Variants in NRG3 observed in about 807,000 individuals in gnomAD.
The protein encoded by NRG3 is neuregulin 3.
In NRG3, 31 loss-of-function variants were observed where a neutral mutation model predicts 66.9. The ratio of observed to expected loss-of-function variants is 0.46; its 90% CI spans 0.35 to 0.63. The LOEUF (loss-of-function observed/expected upper bound fraction) is 0.63, where lower values mean the gene tolerates loss of function less well. NRG3 is among the 20% of genes least tolerant of loss of function. The probability of loss-of-function intolerance (pLI) is 0.00; values close to 1 mark genes in which losing one functional copy is unlikely to be tolerated. For synonymous variants in NRG3, 393 were observed against 359.4 expected, an observed-to-expected ratio of 1.09 and a Z score of -1.06; for missense variants, 910 against 878.9, an observed-to-expected ratio of 1.04 and a Z score of -0.45.
intron 2 of NRG3, among the ~76,000 whole-genome samples, chr10:82,710,330 A>T (rs148139328): frequency 0.01 from 1,536 of 152,232 alleles, 23 homozygotes; most frequent in African/African-American, 0.035. Flanking sequence ...TCACACATGT[A>T]ATCACAGCAC....
At chr10:82,734,008 C>G (rs2058042692) in intron 2 of NRG3, among the ~76,000 whole-genome samples, 1 of 152,312 alleles carries the variant, frequency 6.6e-6, no homozygotes, top group Admixed American at 6.5e-5. Context: ...AGTGAGTGAC[C>G]TGACCATTTT....
At chr10:82,541,305 C>T (rs865815762) in intron 2 of NRG3, among the ~76,000 whole-genome samples, 1 of 152,076 alleles carries the variant, frequency 6.6e-6, no homozygotes, top group East Asian at 1.9e-4. Flanking sequence ...TATATATACT[C>T]ATCTTGTAGC....
intron 1 of NRG3, among the ~76,000 whole-genome samples, chr10:81,935,919 A>C (rs1589517470): frequency 6.8e-6 from 1 of 146,756 alleles, no homozygotes; most frequent in African/African-American, 2.6e-5. Context: ...ACACACACAC[A>C]CACACAGTTT....
chr10:81,900,748 G>A (rs1205291762), intron 1 of NRG3, among the ~76,000 whole-genome samples: 2 of 152,182 alleles, frequency 1.3e-5, no homozygotes, highest in East Asian at 3.8e-4. Context: ...TGATAGCTAG[G>A]TTTCTTAGAT....
In NRG3 at chr10:82,517,527, G is replaced by A. The variant is rs1845773863; in HGVS notation, c.953+158659G>A. 2.0e-5 allele frequency among the ~76,000 whole-genome samples: 3 copies of A among 151,992 alleles called. No individual in the cohort carries two copies. The South Asian group carries it at 6.2e-4, about 31-fold the overall frequency. On this transcript the variant is annotated intron_variant, in intron 2 of 8. Transcript: ENST00000372141. The stretch of plus-strand genomic sequence containing the variant: ...GTTTAGTCTAGGAATATATAATCTT[G>A]TGTGTCTTCAAAATGTTAGGAAGAA...
chr10:82,745,570 G>A (rs867302916), intron 3 of NRG3, among the ~76,000 whole-genome samples: 1 of 152,114 alleles, frequency 6.6e-6, no homozygotes, highest in South Asian at 2.1e-4. Context: ...GCCATGAGAA[G>A]GAGAAACAGA....
intron 1 of NRG3, among the ~76,000 whole-genome samples, chr10:82,112,636 G>C (rs2067455561): frequency 6.6e-6 from 1 of 152,142 alleles, no homozygotes; most frequent in South Asian, 2.1e-4. Context: ...GCTTGCTACA[G>C]ACTGCTAATG....
At chr10:82,628,590 A>ACC (rs2049590243) in intron 2 of NRG3, among the ~76,000 whole-genome samples, 1 of 152,088 alleles carries the variant, frequency 6.6e-6, no homozygotes, top group Admixed American at 6.6e-5. Flanking sequence ...AGCTCAGATG[A>ACC]ACCTTGGTTG....
chr10:82,289,356 G>A (rs1027794382), intron 1 of NRG3, among the ~76,000 whole-genome samples: 1 of 151,828 alleles, frequency 6.6e-6, no homozygotes, highest in African/African-American at 2.4e-5. Flanking sequence ...ATCAGAAAGG[G>A]CCAACGACTT....
chr10:82,005,897 TTGTGTGTG>T (rs58906037), intron 1 of NRG3, among the ~76,000 whole-genome samples: 1 of 148,726 alleles, frequency 6.7e-6, no homozygotes, highest in Non-Finnish European at 1.5e-5. Flanking sequence ...AATGTGTATT[TTGTGTGTG>T]TGTGTGTGTG....
intron 1 of NRG3, among the ~76,000 whole-genome samples, chr10:82,274,391 G>A (rs1306431076): frequency 6.6e-6 from 1 of 150,898 alleles, no homozygotes; most frequent in African/African-American, 2.4e-5. Context: ...CATATTAAAA[G>A]AAGAATTAGT....
Position 82,442,744 on chromosome 10 carries a change from G to A in NRG3, c.953+83876G>A, listed in dbSNP as rs1214208535. 2.1e-5 allele frequency among the ~76,000 whole-genome samples: 3 copies of A among 145,786 alleles called. No homozygotes were observed. The East Asian group carries it at 6.1e-4, about 30-fold the overall frequency. On this transcript the variant is annotated intron_variant, in intron 2 of 8. Transcript: ENST00000372141. The stretch of plus-strand genomic sequence containing the variant: ...CAGAAACAAAAAGTAAAGCCTTCAG[G>A]TGAGGACTATTGAGCACCAAAGATC...
chr10:82,001,319 A>G (rs2061159022), intron 1 of NRG3, among the ~76,000 whole-genome samples: 1 of 152,090 alleles, frequency 6.6e-6, no homozygotes, highest in Admixed American at 6.6e-5. Context: ...CCTGGCCAAC[A>G]TGGTGAAATT....
chr10:82,848,612 T>C (rs1365364046), intron 3 of NRG3, among the ~76,000 whole-genome samples: 1 of 152,150 alleles, frequency 6.6e-6, no homozygotes, highest in Non-Finnish European at 1.5e-5. Flanking sequence ...GATTGTGTTA[T>C]GAATTATGAG....
intron 1 of NRG3, among the ~76,000 whole-genome samples, chr10:82,321,112 C>T (rs1266965107): frequency 1.3e-5 from 2 of 152,230 alleles, no homozygotes; most frequent in African/African-American, 4.8e-5. Flanking sequence ...GCTAAAATAG[C>T]ACTGTAACAT....
chr10:82,542,359 G>A (rs917323564), intron 2 of NRG3, among the ~76,000 whole-genome samples: 1 of 152,140 alleles, frequency 6.6e-6, no homozygotes, highest in Admixed American at 6.5e-5. Flanking sequence ...GAATTATAGG[G>A]ACATATAGAG....
At chr10:82,642,187 G>T (rs976495840) in intron 2 of NRG3, among the ~76,000 whole-genome samples, 1 of 151,874 alleles carries the variant, frequency 6.6e-6, no homozygotes, top group Admixed American at 6.6e-5. Flanking sequence ...TTATCTATTT[G>T]CATGGCTTCA....
Position 81,965,406 on chromosome 10 carries a change from T to G in NRG3, c.823+89243T>G, listed in dbSNP as rs143181496. 5.5e-3 allele frequency among the ~76,000 whole-genome samples: 830 copies of G among 152,272 alleles called. 15 individuals carry two copies. Among genetic ancestry groups the G allele is most frequent in the African/African-American group, 0.018 (763 of 41,562 alleles). ...TATATTCTTTCTTTTGTAGATTTAATAGAGTTTATATTTTTTCTTTTGTAG... is the reference window on the plus strand; with the variant it reads ...TATATTCTTTCTTTTGTAGATTTAAGAGAGTTTATATTTTTTCTTTTGTAG... On this transcript the variant is annotated intron_variant, in intron 1 of 8. Transcript: ENST00000372141.
intron 1 of NRG3, among the ~76,000 whole-genome samples, chr10:82,255,993 G>A (rs1360994311): frequency 2.7e-5 from 4 of 150,762 alleles, no homozygotes; most frequent in Admixed American, 6.6e-5. Context: ...GTGCAATCTC[G>A]TCTCACTGCA....
Sources: gnomAD v4.1 joint callset for allele counts (sites outside exome capture counted in the v4.1 genomes callset) on GRCh38, gnomAD v4.1.1 for gene constraint, MANE v1.5 for transcripts, NCBI Gene and HGNC (gene_info 2026-07-23, HGNC 2026-07-21) for gene names.